Variants in CPED1 observed in about 807,000 individuals in gnomAD.
The protein encoded by CPED1 is cadherin-like and PC-esterase domain-containing protein 1.
In CPED1, 114 loss-of-function variants were observed where a neutral mutation model predicts 128.2. The observed-to-expected ratio is 0.89, with a 90% CI of 0.76 to 1.04. The LOEUF is 1.04. CPED1 is among the 50% of genes least tolerant of loss of function. The probability of loss-of-function intolerance (pLI) is 0.00; values close to 1 mark genes in which losing one functional copy is unlikely to be tolerated. For missense variants in CPED1, 1,211 were observed against 1,207.1 expected (o/e 1.00, Z -0.05); for synonymous variants, 462 against 426.7 (o/e 1.08, Z -1.02).
At chr7:121,017,943 C>T (rs1792341840) in intron 3 of CPED1, among the ~76,000 whole-genome samples, 1 of 152,112 alleles carries the variant, frequency 6.6e-6, no homozygotes, top group African/African-American at 2.4e-5. Flanking sequence ...TCCCACATTC[C>T]CACAGCTTTT....
In CPED1 at chr7:121,100,053, A is replaced by C; in HGVS notation, c.877A>C (p.Thr293Pro). The C allele has an allele frequency of 6.8e-6, 11 of 1,613,554 alleles. No homozygotes were observed. The highest frequency in any genetic ancestry group is 9.3e-6 in the Non-Finnish European group (11 of 1,179,746). The stretch of plus-strand genomic sequence containing the variant: ...GCGTGCATTCATTCATTCGACGGGC[A>C]CAGTTTGGAATCCACCAAAGAAAAA... ...PLRAFIHSTG[T>P]VWNPPKKKRF... Residue 293 changes from threonine to proline, a missense_variant, in exon 7 of 23, where the codon ACA becomes CCA. By Grantham distance (38) the Thr-to-Pro change is conservative. Coordinates refer to ENST00000310396, the MANE Select transcript of CPED1 (RefSeq NM_024913.5).
chr7:121,065,351 GT>G (rs1793803588), intron 5 of CPED1, among the ~76,000 whole-genome samples: 1 of 151,734 alleles, frequency 6.6e-6, no homozygotes, highest in Non-Finnish European at 1.5e-5. Context: ...AATTTTTTTT[GT>G]TTTTGTAAAC....
At chr7:121,120,522 A>G (rs1795357631) in intron 7 of CPED1, among the ~76,000 whole-genome samples, 1 of 152,222 alleles carries the variant, frequency 6.6e-6, no homozygotes, top group Admixed American at 6.5e-5. Flanking sequence ...TTTGACACAT[A>G]GTAACATCAA....
chr7:121,215,601 GT>G (rs1797742581), intron 16 of CPED1, among the ~76,000 whole-genome samples: 1 of 152,028 alleles, frequency 6.6e-6, no homozygotes, highest in Non-Finnish European at 1.5e-5. Flanking sequence ...CTAGAGCACA[GT>G]TTTTAATAAA....
chr7:121,200,904 A>G lies in CPED1; in HGVS notation c.2056-35810A>G, dbSNP rs550804823. On this transcript the variant is annotated intron_variant, in intron 16 of 22. Coordinates refer to ENST00000310396, the MANE Select transcript of CPED1 (RefSeq NM_024913.5). ...CAGCAAAGGGTCTCTCAGACATTCAACCTCAGAGTCATTCATAGGAGAATA... is the reference window on the plus strand; with the variant it reads ...CAGCAAAGGGTCTCTCAGACATTCAGCCTCAGAGTCATTCATAGGAGAATA... 3.0e-4 allele frequency among the ~76,000 whole-genome samples: 45 copies of G among 152,216 alleles called. 2 individuals carry two copies. In the South Asian group the frequency reaches 9.3e-3, roughly 32 times the overall value.
intron 5 of CPED1, among the ~76,000 whole-genome samples, chr7:121,093,179 T>A (rs553077070): frequency 6.6e-6 from 1 of 152,222 alleles, no homozygotes; most frequent in South Asian, 2.1e-4. Context: ...TTTTTCACAG[T>A]AGTATGTTTA....
chr7:121,079,035 C>G (rs1246496536), intron 5 of CPED1, among the ~76,000 whole-genome samples: 2 of 152,148 alleles, frequency 1.3e-5, no homozygotes, highest in Non-Finnish European at 2.9e-5. Flanking sequence ...TCCTGTTCCC[C>G]TCAGGACATC....
intron 16 of CPED1, among the ~76,000 whole-genome samples, chr7:121,199,697 A>AAAGAAAGAAAG (rs3068077): frequency 2.4e-5 from 1 of 41,770 alleles, no homozygotes; most frequent in Non-Finnish European, 4.1e-5. Context: ...AAAAAAAAAA[A>AAAGAAAGAAAG]AAAGAAAGAA....
At chr7:121,053,606 A>T (rs1036481666) in intron 4 of CPED1, among the ~76,000 whole-genome samples, 2 of 152,186 alleles carry the variant, frequency 1.3e-5, no homozygotes, top group Non-Finnish European at 2.9e-5. Flanking sequence ...TTGAGACTGT[A>T]AAAAGATCCT....
At chr7:120,995,138 T>C (rs115227392) in intron 2 of CPED1, among the ~76,000 whole-genome samples, 1,855 of 152,298 alleles carry the variant, frequency 0.012, 37 homozygotes, top group African/African-American at 0.042. Context: ...TCTCTCTACT[T>C]CCCTTCAGAG....
intron 16 of CPED1, among the ~76,000 whole-genome samples, chr7:121,144,174 A>G (rs560926860): frequency 1.3e-5 from 2 of 152,164 alleles, no homozygotes; most frequent in South Asian, 2.1e-4. Context: ...TAATCCAGCA[A>G]TCCCACTGCT....
At chr7:121,042,240 T>G (rs1418357181) in intron 3 of CPED1, among the ~76,000 whole-genome samples, 1 of 152,176 alleles carries the variant, frequency 6.6e-6, no homozygotes, top group Non-Finnish European at 1.5e-5. Context: ...TAGCTCCTTT[T>G]ATATAGGAAG....
chr7:121,017,630 T>C (rs1792335101), intron 3 of CPED1, among the ~76,000 whole-genome samples: 1 of 152,186 alleles, frequency 6.6e-6, no homozygotes, highest in Non-Finnish European at 1.5e-5. Context: ...TTGTTGCTGC[T>C]ACTGACTTTC....
chr7:121,192,040 A>G (rs1797152812), intron 16 of CPED1, among the ~76,000 whole-genome samples: 1 of 152,084 alleles, frequency 6.6e-6, no homozygotes, highest in African/African-American at 2.4e-5. Context: ...TAAATTAGAG[A>G]CCCAGAAGCA....
chr7:121,048,802 G>A (rs1343106150), intron 4 of CPED1, among the ~76,000 whole-genome samples: 2 of 152,172 alleles, frequency 1.3e-5, no homozygotes, highest in African/African-American at 4.8e-5. Context: ...GCCTCCCAAA[G>A]TTCTGGGATT....
chr7:121,020,682 A>T (rs1327868336), intron 3 of CPED1, among the ~76,000 whole-genome samples: 1 of 151,960 alleles, frequency 6.6e-6, no homozygotes. Context: ...ATTAAGCACC[A>T]AACTGGTTAT....
rs1365306132 is a variant in CPED1 at position 121,050,856 on chromosome 7, C to G, written c.540+3863C>G. 3 of 471,138 alleles carry G rather than the reference C, an allele frequency of 6.4e-6. No individual in the cohort carries two copies. In the Admixed American group the frequency reaches 7.0e-5, roughly 11 times the overall value. 29.2% of individuals were successfully genotyped at this position (471,138 alleles called of 1,614,324 possible). On this transcript the variant is annotated intron_variant, in intron 4 of 22. Coordinates refer to ENST00000310396, the MANE Select transcript of CPED1 (RefSeq NM_024913.5). ...CAGGCAGCCCAGCTTCGCGAAGGCT[C>G]TCGGTACGATGAGGCCTGCAGGCAC...
chr7:121,237,808 T>G (rs1477057105), intron 17 of CPED1, among the ~76,000 whole-genome samples: 1 of 152,108 alleles, frequency 6.6e-6, no homozygotes, highest in Non-Finnish European at 1.5e-5. Context: ...CAGGACAAAT[T>G]GCAATTTGGC....
intron 22 of CPED1, among the ~76,000 whole-genome samples, chr7:121,291,287 C>A (rs144207956): frequency 7.0e-4 from 106 of 152,200 alleles, no homozygotes; most frequent in Non-Finnish European, 6.6e-4. Flanking sequence ...GTTATACGGG[C>A]TTCTTTTGGT....
Sources: allele counts gnomAD v4.1 joint callset (sites outside exome capture counted in the v4.1 genomes callset), GRCh38; gene constraint gnomAD v4.1.1; transcripts MANE v1.5; gene names NCBI Gene and HGNC (gene_info 2026-07-23, HGNC 2026-07-21).